The following SMYD1 variants were observed in gnomAD, a reference collection of about 807,000 sequenced individuals.
SMYD1 encodes the protein histone-lysine N-methyltransferase SMYD1.
Under a neutral mutation model 54.0 loss-of-function variants are expected in SMYD1, and 49 were observed. The ratio of observed to expected loss-of-function variants is 0.91; its 90% CI spans 0.72 to 1.15. The LOEUF is 1.15. SMYD1 is among the 50% of genes most tolerant of loss of function. SMYD1 has a pLI of 0.00. For synonymous variants in SMYD1, 269 were observed against 234.2 expected, an observed-to-expected ratio of 1.15 and a Z score of -1.36; for missense variants, 653 against 639.6, an observed-to-expected ratio of 1.02 and a Z score of -0.23.
chr2:88,109,628 T>G (rs1275267609), intron 9 of SMYD1, among the ~76,000 whole-genome samples: 5 of 152,166 alleles, frequency 3.3e-5, no homozygotes, highest in Non-Finnish European at 7.3e-5. Flanking sequence ...TGTTATAAAA[T>G]GTAGGATGAC....
Position 88,094,834 on chromosome 2 carries a change from T to C in SMYD1, c.698+1279T>C, listed in dbSNP as rs565386375. Among the ~76,000 whole-genome samples, 6 of 152,214 alleles carry C rather than the reference T, an allele frequency of 3.9e-5. No individual in the cohort carries two copies. The South Asian group carries it at 1.2e-3, about 32-fold the overall frequency. ...GTAAAAGGGACTCGTGGGGGCAGAATTGGTTACTTACCCAACAGAGTTAAA... is the reference window on the plus strand; with the variant it reads ...GTAAAAGGGACTCGTGGGGGCAGAACTGGTTACTTACCCAACAGAGTTAAA... On this transcript the variant is annotated intron_variant, in intron 5 of 9. Transcript: ENST00000419482.
chr2:88,074,775 G>A (rs1674022771), intron 1 of SMYD1, among the ~76,000 whole-genome samples: 1 of 152,148 alleles, frequency 6.6e-6, no homozygotes, highest in African/African-American at 2.4e-5. Context: ...AGATAGTGGG[G>A]AACATGAGAA....
intron 2 of SMYD1, among the ~76,000 whole-genome samples, chr2:88,085,674 G>C (rs1373885519): frequency 6.6e-6 from 1 of 152,108 alleles, no homozygotes; most frequent in Non-Finnish European, 1.5e-5. Flanking sequence ...ACCACCCATT[G>C]ACCTCTATTC....
intron 1 of SMYD1, among the ~76,000 whole-genome samples, chr2:88,083,985 T>G (rs879419773): frequency 5.3e-5 from 8 of 152,116 alleles, no homozygotes; most frequent in Non-Finnish European, 8.8e-5. Context: ...TCCCAACTAC[T>G]CAGGAGGCTG....
rs377048321 is a variant in SMYD1 at position 88,075,463 on chromosome 2, A to T, written c.137+7462A>T. ...GAAAATCTTGAGAATTGATGTTTTA[A>T]TAAAAAAAGGGATGTTAAAAATAAA... On this transcript the variant is annotated intron_variant, in intron 1 of 9. Coordinates refer to ENST00000419482, the MANE Select transcript of SMYD1 (RefSeq NM_198274.4). 9.9e-5 allele frequency among the ~76,000 whole-genome samples: 15 copies of T among 152,104 alleles called. 2 individuals are homozygous for T. The East Asian group carries it at 1.5e-3, about 16-fold the overall frequency.
chr2:88,091,831 T>C (rs1674469047), intron 4 of SMYD1, among the ~76,000 whole-genome samples: 1 of 152,170 alleles, frequency 6.6e-6, no homozygotes, highest in Non-Finnish European at 1.5e-5. Context: ...GCCACTGCAC[T>C]CCAGCTTGGG....
In SMYD1 at chr2:88,104,321, T is replaced by C. The variant is rs370090011; in HGVS notation, c.981+1171T>C. The stretch of plus-strand genomic sequence containing the variant: ...TCCTCCTTCTTTACTAACTCATTTA[T>C]TGCACATTTCTAAACCCTTACTGGG... On this transcript the variant is annotated intron_variant, in intron 7 of 9. Transcript: ENST00000419482. Among the ~76,000 whole-genome samples, 360 of 152,350 alleles carry C rather than the reference T, an allele frequency of 2.4e-3. 1 individual carries two copies. The highest frequency in any genetic ancestry group is 8.3e-3 in the African/African-American group (345 of 41,572).
At chr2:88,109,450 G>A (rs987788133) in intron 9 of SMYD1, among the ~76,000 whole-genome samples, 2 of 152,132 alleles carry the variant, frequency 1.3e-5, no homozygotes, top group African/African-American at 4.8e-5. Flanking sequence ...GTAAAATAGG[G>A]GGAAAGGATA....
At chr2:88,110,184 A>C (rs1674979886) in intron 9 of SMYD1, among the ~76,000 whole-genome samples, 170 bp from the exon 10 acceptor site, 1 of 138,322 alleles carries the variant, frequency 7.2e-6, no homozygotes, top group African/African-American at 2.7e-5. Flanking sequence ...CCAGGACATT[A>C]GGCCCTTGAT....
chr2:88,092,831 G>A (rs1353712802), intron 4 of SMYD1, among the ~76,000 whole-genome samples: 1 of 152,224 alleles, frequency 6.6e-6, no homozygotes, highest in African/African-American at 2.4e-5. Context: ...AAGTGGTGGT[G>A]ACCCAAGGCT....
At chr2:88,091,713 CAT>C (rs1674466664) in intron 4 of SMYD1, among the ~76,000 whole-genome samples, 2 of 151,940 alleles carry the variant, frequency 1.3e-5, no homozygotes, top group Non-Finnish European at 2.9e-5. Context: ...TAAATAAATA[CAT>C]TAGCCGGGCA....
At chr2:88,109,558 T>C (rs1466072388) in intron 9 of SMYD1, among the ~76,000 whole-genome samples, 1 of 152,122 alleles carries the variant, frequency 6.6e-6, no homozygotes, top group Non-Finnish European at 1.5e-5. Flanking sequence ...AGCTGGTTTA[T>C]TTGAGAGTGA....
chr2:88,101,157 G>A (rs180996304), intron 6 of SMYD1, among the ~76,000 whole-genome samples: 1 of 152,214 alleles, frequency 6.6e-6, no homozygotes, highest in East Asian at 1.9e-4. Context: ...AGGGAAGATG[G>A]TCTACAGAGG....
intron 6 of SMYD1, among the ~76,000 whole-genome samples, chr2:88,097,109 C>G (rs1674607723): frequency 6.6e-6 from 1 of 152,190 alleles, no homozygotes; most frequent in African/African-American, 2.4e-5. Context: ...GGAGTAGACA[C>G]TGGAAATTTT....
In SMYD1 at chr2:88,110,415, A is replaced by G. The variant is rs758977732; in HGVS notation, c.1376A>G (p.Tyr459Cys). The G allele has an allele frequency of 7.4e-6, 12 of 1,612,110 alleles. No homozygotes were observed. The African/African-American group carries it at 9.3e-5, about 13-fold the overall frequency. ...TTCCGCCAGAACGAATTCATGTACT[A>G]CAAGATGCGCGAGGCTGCCCTGAAC... Reference protein sequence around the residue: ...RMFRQNEFMYYKMREAALNNQ... With the variant: ...RMFRQNEFMYCKMREAALNNQ... Residue 459 changes from tyrosine to cysteine, a missense_variant, in exon 10 of 10, where the codon TAC becomes TGC. By Grantham distance (194) the Tyr-to-Cys change is radical (BLOSUM62 -2). Coordinates refer to ENST00000419482, the MANE Select transcript of SMYD1 (RefSeq NM_198274.4).
chr2:88,102,256 T>G (rs1323422098), intron 6 of SMYD1, among the ~76,000 whole-genome samples: 1 of 152,232 alleles, frequency 6.6e-6, no homozygotes, highest in Non-Finnish European at 1.5e-5. Context: ...ACTTCTTGTT[T>G]GGACTTTGAG....
At chr2:88,085,340 T>C (rs1674298653) in intron 2 of SMYD1, among the ~76,000 whole-genome samples, 1 of 152,116 alleles carries the variant, frequency 6.6e-6, no homozygotes, top group Non-Finnish European at 1.5e-5. Context: ...TCAAGGCCTA[T>C]AGCTCCAGCC....
At chr2:88,088,166 T>C (rs1383915486) in intron 3 of SMYD1, 91 bp downstream of exon 3, 48 of 1,366,634 alleles carry the variant, frequency 3.5e-5, no homozygotes, top group Non-Finnish European at 3.8e-5. Flanking sequence ...TTCTCAGAAG[T>C]GAACTAAGAG....
intron 1 of SMYD1, among the ~76,000 whole-genome samples, chr2:88,068,838 T>C (rs1319680029): frequency 6.6e-6 from 1 of 152,212 alleles, no homozygotes; most frequent in Non-Finnish European, 1.5e-5. Context: ...CCTATAAATA[T>C]ATGACATTTT....
Sources: allele counts gnomAD v4.1 joint callset (sites outside exome capture counted in the v4.1 genomes callset), GRCh38; gene constraint gnomAD v4.1.1; transcripts MANE v1.5; gene names NCBI Gene and HGNC (gene_info 2026-07-23, HGNC 2026-07-21).